Variants in NBPF15 observed in about 807,000 individuals in gnomAD.
NBPF15 encodes NBPF family member NBPF15.
A neutral mutation model predicts 62.2 loss-of-function variants in NBPF15; 74 were observed. The ratio of observed to expected loss-of-function variants is 1.19; its 90% CI spans 0.99 to 1.44. NBPF15 has a LOEUF of 1.44. NBPF15 is among the 40% of genes most tolerant of loss of function. The pLI is 0.00. For missense variants in NBPF15, 790 were observed against 550.0 expected (o/e 1.44, Z -4.36); for synonymous variants, 244 against 209.7 (o/e 1.16, Z -1.41).
chr1:144,447,476 T>A (rs1243028812), intron 6 of NBPF15, among the ~76,000 whole-genome samples: 1 of 151,748 alleles, frequency 6.6e-6, no homozygotes, highest in African/African-American at 2.4e-5. Context: ...ACTTCCAGGC[T>A]CCATCGGGTG....
intron 5 of NBPF15, among the ~76,000 whole-genome samples, chr1:144,450,382 G>T (rs1221941773): frequency 6.6e-6 from 1 of 151,774 alleles, no homozygotes; most frequent in Non-Finnish European, 1.5e-5. Context: ...AGGAAAGCAC[G>T]TGGCCTCTGG....
At chr1:144,424,138 A>T (rs1667829808) in intron 20 of NBPF15, among the ~76,000 whole-genome samples, 163 bp from the exon 21 acceptor site, 1 of 152,052 alleles carries the variant, frequency 6.6e-6, no homozygotes, top group Non-Finnish European at 1.5e-5. Context: ...CATGATATAA[A>T]TTCCTCAGTT....
intron 3 of NBPF15, among the ~76,000 whole-genome samples, chr1:144,459,153 C>G (rs200327823): frequency 0.015 from 2,320 of 151,936 alleles, 62 homozygotes; most frequent in African/African-American, 0.051. Flanking sequence ...ACAAAAAGCA[C>G]TAACCATAAA....
chr1:144,441,071 G>T (rs1228315252), intron 6 of NBPF15, among the ~76,000 whole-genome samples: 1 of 151,776 alleles, frequency 6.6e-6, no homozygotes, highest in Non-Finnish European at 1.5e-5. Flanking sequence ...TTGATTGTAT[G>T]ATTATCACAC....
chr1:144,432,526 G>A (rs1223920472), intron 13 of NBPF15, among the ~76,000 whole-genome samples: 1 of 151,896 alleles, frequency 6.6e-6, no homozygotes, highest in Non-Finnish European at 1.5e-5. Flanking sequence ...ATTGGATAAA[G>A]AGTCAAGACC....
intron 4 of NBPF15, among the ~76,000 whole-genome samples, chr1:144,453,323 C>A (rs1337251662): frequency 6.6e-6 from 1 of 151,770 alleles, no homozygotes; most frequent in Non-Finnish European, 1.5e-5. Context: ...ATGTTATACC[C>A]TTTATAAAAT....
intron 6 of NBPF15, 67 bp from the exon 7 acceptor site, chr1:144,440,362 T>C (rs1450135514): frequency 6.6e-6 from 6 of 911,888 alleles, no homozygotes; most frequent in African/African-American, 3.4e-5. Flanking sequence ...TGCATTCCAA[T>C]TGCCCAGGCT....
At chr1:144,442,772 G>A in intron 6 of NBPF15, 1 of 204,762 alleles carries the variant, frequency 4.9e-6, no homozygotes, top group Non-Finnish European at 1.1e-5. Context: ...GTCATGAATG[G>A]ACTGACACTG....
In NBPF15 at chr1:144,440,216, A is replaced by T; in HGVS notation, c.-111T>A. The T allele has an allele frequency of 1.3e-6, 2 of 1,521,816 alleles. No individual in the cohort carries two copies. Among genetic ancestry groups the T allele is most frequent in the Admixed American group, 3.9e-5 (2 of 50,772 alleles). 94.3% of individuals were successfully genotyped at this position (1,521,816 alleles called of 1,614,324 possible). A position where few individuals can be genotyped will look rare whatever the true frequency, so the allele number is the denominator to read the frequency against. On this transcript the variant is annotated 5_prime_UTR_variant, in exon 7 of 22. It adds an upstream start codon to the 5' untranslated region. Transcript: ENST00000581897. ...CAAAAACAAGGTTCGAGGTGCCTCAACTCAGAGCTGAAAGCACTGTCAGTA... is the reference window on the plus strand; with the variant it reads ...CAAAAACAAGGTTCGAGGTGCCTCATCTCAGAGCTGAAAGCACTGTCAGTA...
chr1:144,439,984 G>A lies in NBPF15; in HGVS notation c.20C>T (p.Pro7Leu). The change falls in exon 8 of 22, where the codon CCT (proline) becomes CTT (leucine). Residue 7 changes from proline (P) to leucine (L), a missense_variant. By Grantham distance (98) the Pro-to-Leu change is moderately conservative. Transcript: ENST00000581897. ...CATCTCTGCCTTCTCGCTGGACAAA[G>A]GGCCGGCTGATACCACCATGCTGAC... The part of the protein sequence containing the change: MVVSAG[P>L]LSSEKAEMNI... The A allele has an allele frequency of 1.2e-6, 2 of 1,609,654 alleles. No individual in the cohort carries two copies. Among genetic ancestry groups the A allele is most frequent in the Non-Finnish European group, 1.7e-6 (2 of 1,177,688 alleles).
Position 144,451,369 on chromosome 1 carries a change from A to G in NBPF15, c.-431-499T>C, listed in dbSNP as rs1285987604. Among the ~76,000 whole-genome samples the G allele has an allele frequency of 3.3e-5, 5 of 150,760 alleles. No homozygotes were observed. In the Admixed American group the frequency reaches 3.3e-4, roughly 10 times the overall value. On this transcript the variant is annotated intron_variant, in intron 4 of 21. Coordinates refer to ENST00000581897, the MANE Select transcript of NBPF15 (RefSeq NM_001385408.1). Reference sequence around the variant, plus strand: ...TCCATTGCCCAGGGATGAGCAGGAGACAGATGCCTTCCTCTTATCTCAACT... The same window carrying G: ...TCCATTGCCCAGGGATGAGCAGGAGGCAGATGCCTTCCTCTTATCTCAACT...
intron 20 of NBPF15, among the ~76,000 whole-genome samples, 187 bp from the exon 21 acceptor site, chr1:144,424,162 C>G (rs1241628567): frequency 3.9e-5 from 6 of 152,076 alleles, no homozygotes. Flanking sequence ...CTCCCAGAAA[C>G]TGTGGGTAAA....
intron 3 of NBPF15, among the ~76,000 whole-genome samples, chr1:144,457,053 C>T (rs587750065): frequency 2.0e-5 from 3 of 151,944 alleles, no homozygotes; most frequent in Admixed American, 6.6e-5. Context: ...GTGGCACACA[C>T]TTGTAGTCTC....
intron 4 of NBPF15, among the ~76,000 whole-genome samples, chr1:144,456,105 G>A (rs1330885144): frequency 6.6e-6 from 1 of 151,784 alleles, no homozygotes; most frequent in Non-Finnish European, 1.5e-5. Context: ...ACCCAGGACA[G>A]TGCAGGGCCT....
At chr1:144,459,638 A>C (rs1438681901) in intron 2 of NBPF15, among the ~76,000 whole-genome samples, 155 bp from the exon 3 acceptor site, 1 of 152,112 alleles carries the variant, frequency 6.6e-6, no homozygotes, top group Middle Eastern at 3.4e-3. Flanking sequence ...ATTACAAATC[A>C]ACAGAAAAAC....
At position 144,456,754 on chromosome 1, in the gene NBPF15, G is replaced by T; in HGVS notation, c.-649C>A. The T allele has an allele frequency of 1.1e-6, 1 of 951,414 alleles. No homozygotes were observed. Among genetic ancestry groups the T allele is most frequent in the Non-Finnish European group, 1.3e-6 (1 of 747,546 alleles). 58.9% of individuals were successfully genotyped at this position (951,414 alleles called of 1,614,324 possible). On this transcript the variant is annotated 5_prime_UTR_variant, in exon 4 of 22. Coordinates refer to ENST00000581897, the MANE Select transcript of NBPF15 (RefSeq NM_001385408.1). Reference sequence around the variant, plus strand: ...GTAAGGGACGGTAAGGTGAGAGCCTGGGTCACCAGGAACCTTCGCCTGCAT... The same window carrying T: ...GTAAGGGACGGTAAGGTGAGAGCCTTGGTCACCAGGAACCTTCGCCTGCAT...
At chr1:144,444,538 G>C (rs1553543527) in intron 6 of NBPF15, among the ~76,000 whole-genome samples, 1 of 151,662 alleles carries the variant, frequency 6.6e-6, no homozygotes, top group Non-Finnish European at 1.5e-5. Flanking sequence ...CCAGCACCTA[G>C]ACCCATTTAG....
In NBPF15 at chr1:144,452,343, C is replaced by A. The variant is rs1302664678; in HGVS notation, c.-431-1473G>T. Among the ~76,000 whole-genome samples the A allele has an allele frequency of 4.5e-4, 69 of 151,922 alleles. 1 individual carries two copies. The highest frequency in any genetic ancestry group is 1.7e-3 in the African/African-American group (69 of 41,292). On this transcript the variant is annotated intron_variant, in intron 4 of 21. Coordinates refer to ENST00000581897, the MANE Select transcript of NBPF15 (RefSeq NM_001385408.1). Reference sequence around the variant, plus strand: ...TCAAGGAGAGCCATAAACAGGACTACTATTATGTTCCCCCAAAAACCATCC... The same window carrying A: ...TCAAGGAGAGCCATAAACAGGACTAATATTATGTTCCCCCAAAAACCATCC...
chr1:144,424,146 G>C (rs1231328730), intron 20 of NBPF15, among the ~76,000 whole-genome samples, 171 bp from the exon 21 acceptor site: 3 of 151,982 alleles, frequency 2.0e-5, no homozygotes, highest in Admixed American at 1.3e-4. Context: ...AAATTCCTCA[G>C]TTTTTCTCCC....
Sources: allele counts gnomAD v4.1 joint callset (sites outside exome capture counted in the v4.1 genomes callset), GRCh38; gene constraint gnomAD v4.1.1; transcripts MANE v1.5; gene names NCBI Gene and HGNC (gene_info 2026-07-23, HGNC 2026-07-21).